The following PDE4B variants were observed in gnomAD, a reference collection of about 807,000 sequenced individuals.
PDE4B encodes phosphodiesterase 4B.
A neutral mutation model predicts 82.2 loss-of-function variants in PDE4B; 20 were observed. That is an observed-to-expected ratio of 0.24 (90% confidence interval 0.17 to 0.35). The LOEUF is 0.35. Among genes scored for constraint, PDE4B ranks in the 10% least tolerant of loss-of-function variants. PDE4B has a pLI of 1.00. For missense variants in PDE4B, 655 were observed against 907.2 expected, an observed-to-expected ratio of 0.72 and a Z score of 3.57; for synonymous variants, 320 against 318.9, an observed-to-expected ratio of 1.00 and a Z score of -0.04.
intron 3 of PDE4B, among the ~76,000 whole-genome samples, chr1:66,109,433 G>T (rs1024535223): frequency 6.6e-6 from 1 of 151,448 alleles, no homozygotes; most frequent in African/African-American, 2.4e-5. Context: ...TTGCCCAATT[G>T]ATGACACATT....
intron 12 of PDE4B, among the ~76,000 whole-genome samples, chr1:66,364,397 T>A (rs1663064780): frequency 6.6e-6 from 1 of 152,208 alleles, no homozygotes; most frequent in Non-Finnish European, 1.5e-5. Context: ...GCTCCCTTCC[T>A]TCATAGATTA....
intron 7 of PDE4B, among the ~76,000 whole-genome samples, chr1:66,266,478 G>A (rs1016363656): frequency 2.0e-5 from 3 of 152,144 alleles, no homozygotes; most frequent in African/African-American, 4.8e-5. Flanking sequence ...GGGCCCCTGC[G>A]GATATGTTAG....
intron 3 of PDE4B, among the ~76,000 whole-genome samples, chr1:65,942,271 T>C (rs1415424034): frequency 1.3e-5 from 2 of 152,070 alleles, no homozygotes; most frequent in African/African-American, 4.8e-5. Context: ...AGTGAGATCA[T>C]GTGGCATTTG....
intron 3 of PDE4B, among the ~76,000 whole-genome samples, chr1:66,235,327 T>G (rs1171630371): frequency 6.6e-6 from 1 of 152,226 alleles, no homozygotes; most frequent in African/African-American, 2.4e-5. Context: ...TGTAGTTTTC[T>G]ATTTCTTTTT....
At chr1:66,050,536 A>G (rs1025571819) in intron 3 of PDE4B, 3 of 152,064 alleles carry the variant, frequency 2.0e-5, no homozygotes, top group African/African-American at 7.2e-5. Context: ...TTTACCTACT[A>G]ATGTATGATA....
Position 66,361,740 on chromosome 1 carries a change from A to G in PDE4B, c.967A>G (p.Thr323Ala), listed in dbSNP as rs372730987. The G allele has an allele frequency of 6.2e-6, 10 of 1,613,406 alleles. No individual in the cohort carries two copies. The highest frequency in any genetic ancestry group is 7.6e-6 in the Non-Finnish European group (9 of 1,179,594). The stretch of plus-strand genomic sequence containing the variant: ...AATGCATAGTTCAAGCCTAAACAAT[A>G]CAAGCATCTCACGCTTTGGAGTCAA... ...KLMHSSSLNNTSISRFGVNTE... is the reference protein window; with the variant it reads ...KLMHSSSLNNASISRFGVNTE... The change falls in exon 10 of 17, where the codon ACA (threonine) becomes GCA (alanine). Residue 323 changes from threonine (T) to alanine (A), a missense_variant. Physicochemically the swap from Thr to Ala is moderately conservative, Grantham distance 58 (BLOSUM62 0). Coordinates refer to ENST00000341517, the MANE Select transcript of PDE4B (RefSeq NM_002600.4).
chr1:66,350,175 T>C (rs1443612981), intron 8 of PDE4B, among the ~76,000 whole-genome samples: 1 of 152,038 alleles, frequency 6.6e-6, no homozygotes, highest in Non-Finnish European at 1.5e-5. Context: ...CTTTTTAAGT[T>C]ATGACTAACA....
intron 1 of PDE4B, among the ~76,000 whole-genome samples, chr1:65,814,317 G>T (rs1368764876): frequency 6.6e-6 from 1 of 152,096 alleles, no homozygotes; most frequent in Admixed American, 6.6e-5. Flanking sequence ...CATATGTTTA[G>T]ATGCTGTAGA....
At chr1:66,157,698 T>G (rs1302287690) in intron 3 of PDE4B, among the ~76,000 whole-genome samples, 1 of 152,214 alleles carries the variant, frequency 6.6e-6, no homozygotes, top group South Asian at 2.1e-4. Context: ...TTATGATCTC[T>G]CTTTCTCTCA....
chr1:66,006,157 G>A (rs919402456), intron 3 of PDE4B, among the ~76,000 whole-genome samples: 2 of 152,180 alleles, frequency 1.3e-5, no homozygotes, highest in Non-Finnish European at 2.9e-5. Flanking sequence ...CTCTTGCCAA[G>A]TACTTAGTTA....
At chr1:65,971,644 A>G (rs2100626790) in intron 3 of PDE4B, among the ~76,000 whole-genome samples, 1 of 152,290 alleles carries the variant, frequency 6.6e-6, no homozygotes, top group South Asian at 2.1e-4. Context: ...AAATGCTGAG[A>G]GTGATATTTA....
chr1:65,976,796 T>C (rs575606528), intron 3 of PDE4B, among the ~76,000 whole-genome samples: 27 of 152,298 alleles, frequency 1.8e-4, no homozygotes, highest in African/African-American at 6.5e-4. Flanking sequence ...CCATCATGAT[T>C]TAAGTTTCCT....
intron 3 of PDE4B, among the ~76,000 whole-genome samples, chr1:66,144,497 T>C (rs1048763034): frequency 6.6e-6 from 1 of 152,196 alleles, no homozygotes; most frequent in African/African-American, 2.4e-5. Context: ...GGAATGTAAA[T>C]TGGTTACTGA....
chr1:66,075,890 TAAACA>T lies in PDE4B; in HGVS notation c.281+157089_281+157093del, dbSNP rs755561830. 4.7e-3 allele frequency among the ~76,000 whole-genome samples: 436 copies of T among 92,900 alleles called. 3 individuals are homozygous for T. The highest frequency in any genetic ancestry group is 0.015 in the East Asian group (47 of 3,210). The allele number at this position is 92,900 out of a possible 152,430, so 60.9% of individuals were successfully genotyped here. Reference sequence around the variant, plus strand: ...TTAATGCCGGCAACTCATTCACATTTAAACAAAACAAAACAAAACAAAACAAAACA... The same window carrying T: ...TTAATGCCGGCAACTCATTCACATTTAAACAAAACAAAACAAAACAAAACA... On this transcript the variant is annotated intron_variant, in intron 3 of 16. Coordinates refer to ENST00000341517, the MANE Select transcript of PDE4B (RefSeq NM_002600.4).
intron 7 of PDE4B, 41 bp from the exon 8 acceptor site, chr1:66,332,467 G>T: frequency 6.2e-7 from 1 of 1,614,148 alleles, no homozygotes; most frequent in Non-Finnish European, 8.5e-7. Flanking sequence ...ACAGCCTGCA[G>T]CCGCTCCAGC....
At chr1:66,264,184 G>A (rs943699740) in intron 6 of PDE4B, among the ~76,000 whole-genome samples, 1 of 152,208 alleles carries the variant, frequency 6.6e-6, no homozygotes, top group Non-Finnish European at 1.5e-5. Flanking sequence ...GGTCTGAGAT[G>A]AAATGTCAGG....
chr1:66,267,213 C>T (rs1251095512), intron 7 of PDE4B: 1 of 152,694 alleles, frequency 6.5e-6, no homozygotes, highest in Non-Finnish European at 1.5e-5. Flanking sequence ...TACTCTAGAG[C>T]CTCGTAATAT....
At chr1:65,979,969 A>T (rs542344529) in intron 3 of PDE4B, among the ~76,000 whole-genome samples, 1 of 152,270 alleles carries the variant, frequency 6.6e-6, no homozygotes, top group South Asian at 2.1e-4. Flanking sequence ...TCAGGTCATT[A>T]GGGACAGACT....
intron 7 of PDE4B, among the ~76,000 whole-genome samples, chr1:66,284,100 G>A (rs190961081): frequency 6.6e-4 from 100 of 152,256 alleles, no homozygotes; most frequent in African/African-American, 1.6e-3. Context: ...TTATAACGCA[G>A]TGTAATAAGA....
Sources: gnomAD v4.1 joint callset for allele counts (sites outside exome capture counted in the v4.1 genomes callset) on GRCh38, gnomAD v4.1.1 for gene constraint, MANE v1.5 for transcripts, NCBI Gene and HGNC (gene_info 2026-07-23, HGNC 2026-07-21) for gene names.